LINGO2: variants seen among roughly 807,000 people sequenced by gnomAD.
LINGO2 encodes leucine rich repeat and Ig domain containing 2, also known as leucine-rich repeat and immunoglobulin-like domain-containing nogo receptor-interacting protein 2.
Under a neutral mutation model 30.6 loss-of-function variants are expected in LINGO2, and 14 were observed. The observed-to-expected ratio is 0.46, with a 90% CI of 0.30 to 0.72. LINGO2 has a LOEUF of 0.72. Among genes scored for constraint, LINGO2 ranks in the 30% least tolerant of loss-of-function variants. LINGO2 has a pLI of 0.07. For synonymous variants in LINGO2, 317 were observed against 288.5 expected (o/e 1.10, Z -1.00); for missense variants, 729 against 751.7 (o/e 0.97, Z 0.35).
At chr9:28,187,842 C>T (rs777867309) in intron 4 of LINGO2, among the ~76,000 whole-genome samples, 3 of 152,116 alleles carry the variant, frequency 2.0e-5, no homozygotes, top group Non-Finnish European at 4.4e-5. Flanking sequence ...ATAGTCTAAA[C>T]TTCTATGATT....
At chr9:28,413,766 A>G (rs534982029) in intron 2 of LINGO2, among the ~76,000 whole-genome samples, 70 of 152,156 alleles carry the variant, frequency 4.6e-4, no homozygotes, top group Admixed American at 3.1e-3. Flanking sequence ...TGCTTCACAT[A>G]TACTTCAAAC....
the LINGO2 span, among the ~76,000 whole-genome samples, chr9:28,750,468 T>G: frequency 1.3e-5 from 2 of 152,098 alleles, no homozygotes; most frequent in Non-Finnish European, 2.9e-5. Flanking sequence ...TCCTAATCCT[T>G]CCAGCTGGGA....
chr9:28,483,565 A>G (rs1017988282), intron 1 of LINGO2, among the ~76,000 whole-genome samples: 1 of 151,970 alleles, frequency 6.6e-6, no homozygotes, highest in African/African-American at 2.4e-5. Flanking sequence ...AAAGATAAAA[A>G]AAGAACTGTA....
intron 1 of LINGO2, among the ~76,000 whole-genome samples, chr9:28,637,060 A>T (rs1233438230): frequency 6.6e-6 from 1 of 152,124 alleles, no homozygotes; most frequent in African/African-American, 2.4e-5. Context: ...TTTTCCCAGC[A>T]CCATTTATTA....
chr9:29,148,091 A>G, the LINGO2 span, among the ~76,000 whole-genome samples: 1 of 152,118 alleles, frequency 6.6e-6, no homozygotes. Flanking sequence ...TGGCATTCAC[A>G]GTGGTCTAAA....
intron 4 of LINGO2, among the ~76,000 whole-genome samples, chr9:28,137,448 C>T (rs2133475753): frequency 6.6e-6 from 1 of 152,228 alleles, no homozygotes; most frequent in East Asian, 1.9e-4. Flanking sequence ...AAAGCCAGGC[C>T]TAGGAAATTA....
chr9:28,792,343 G>A, the LINGO2 span, among the ~76,000 whole-genome samples: 6 of 151,988 alleles, frequency 3.9e-5, no homozygotes, highest in East Asian at 1.9e-4. Context: ...TCCCCGAATC[G>A]AAATAATTGT....
At chr9:28,056,346 T>G (rs766950706) in intron 4 of LINGO2, among the ~76,000 whole-genome samples, 3 of 152,166 alleles carry the variant, frequency 2.0e-5, no homozygotes, top group Non-Finnish European at 4.4e-5. Flanking sequence ...GTTTGCTGTT[T>G]ACTCGTACAG....
chr9:28,610,363 C>G (rs1825863925), intron 1 of LINGO2, among the ~76,000 whole-genome samples: 3 of 152,064 alleles, frequency 2.0e-5, no homozygotes, highest in African/African-American at 7.2e-5. Context: ...TCACTTCCTC[C>G]AATTATCATG....
chr9:29,033,211 C>A, the LINGO2 span, among the ~76,000 whole-genome samples: 1 of 151,922 alleles, frequency 6.6e-6, no homozygotes, highest in Admixed American at 6.6e-5. Context: ...CCATGATGCA[C>A]TTCCAAAGTT....
chr9:28,982,684 C>G, the LINGO2 span, among the ~76,000 whole-genome samples: 3 of 151,630 alleles, frequency 2.0e-5, no homozygotes, highest in African/African-American at 7.3e-5. Context: ...CTTATTATAC[C>G]AAAATATAGG....
At chr9:28,704,737 T>C in the LINGO2 span, among the ~76,000 whole-genome samples, 33 of 152,260 alleles carry the variant, frequency 2.2e-4, no homozygotes, top group African/African-American at 7.5e-4. Context: ...TTTTGAGCTC[T>C]ACAATGATGT....
At chr9:28,390,914 A>G (rs1231878707) in intron 2 of LINGO2, among the ~76,000 whole-genome samples, 2 of 152,168 alleles carry the variant, frequency 1.3e-5, no homozygotes, top group Non-Finnish European at 2.9e-5. Flanking sequence ...CTATCTTAGT[A>G]GCATTAGTGA....
chr9:28,898,661 T>C, the LINGO2 span, among the ~76,000 whole-genome samples: 7 of 152,136 alleles, frequency 4.6e-5, no homozygotes, highest in African/African-American at 1.7e-4. Context: ...GGAGTTGCTT[T>C]CTCTCCAAAT....
intron 5 of LINGO2, among the ~76,000 whole-genome samples, chr9:27,967,511 G>C (rs1486564856): frequency 6.6e-6 from 1 of 152,042 alleles, no homozygotes. Flanking sequence ...CTGGTGTGTA[G>C]CTTGCCAGTA....
chr9:28,022,521 G>A (rs1441206962), intron 4 of LINGO2, among the ~76,000 whole-genome samples: 1 of 151,910 alleles, frequency 6.6e-6, no homozygotes, highest in Non-Finnish European at 1.5e-5. Flanking sequence ...AGCTTTTGCT[G>A]GTCTGAAAAA....
chr9:28,170,283 T>C (rs536550576), intron 4 of LINGO2, among the ~76,000 whole-genome samples: 25 of 152,316 alleles, frequency 1.6e-4, no homozygotes, highest in South Asian at 4.1e-4. Context: ...CTTATGTAAA[T>C]ATATTACTTA....
chr9:28,376,036 A>G (rs1821116482), intron 2 of LINGO2, among the ~76,000 whole-genome samples: 1 of 152,094 alleles, frequency 6.6e-6, no homozygotes, highest in South Asian at 2.1e-4. Flanking sequence ...AGGGCAGAAA[A>G]GAATATCTGG....
chr9:28,569,772 T>C (rs1300485527), intron 1 of LINGO2, among the ~76,000 whole-genome samples: 1 of 151,968 alleles, frequency 6.6e-6, no homozygotes, highest in Non-Finnish European at 1.5e-5. Flanking sequence ...TAAGAGTATA[T>C]CTACTATCTG....
Sources: gnomAD v4.1 joint callset for allele counts (sites outside exome capture counted in the v4.1 genomes callset) on GRCh38, gnomAD v4.1.1 for gene constraint, MANE v1.5 for transcripts, NCBI Gene and HGNC (gene_info 2026-07-23, HGNC 2026-07-21) for gene names.